Variants in VWC2L observed in about 807,000 individuals in gnomAD.
VWC2L encodes the protein von Willebrand factor C domain-containing protein 2-like.
Under a neutral mutation model 21.6 loss-of-function variants are expected in VWC2L, and 10 were observed. That is an observed-to-expected ratio of 0.46 (90% CI 0.29 to 0.78). The LOEUF is 0.78. VWC2L is among the 30% of genes least tolerant of loss of function. VWC2L has a pLI of 0.10. For missense variants in VWC2L, 209 were observed against 277.1 expected (o/e 0.75, Z 1.74); for synonymous variants, 96 against 94.3 (o/e 1.02, Z -0.10).
At chr2:214,470,943 A>AAAAAAAAAG (rs1703299114) in intron 3 of VWC2L, among the ~76,000 whole-genome samples, 1 of 138,768 alleles carries the variant, frequency 7.2e-6, no homozygotes. Context: ...AAAAAAAAAA[A>AAAAAAAAAG]GATAGGTGAT....
chr2:214,451,357 C>G (rs1702952838), intron 3 of VWC2L, among the ~76,000 whole-genome samples: 2 of 150,974 alleles, frequency 1.3e-5, no homozygotes, highest in South Asian at 4.2e-4. Context: ...CAATGACTAC[C>G]TGTGAGAATG....
chr2:214,482,512 T>C (rs58497707), intron 3 of VWC2L, among the ~76,000 whole-genome samples: 1 of 149,784 alleles, frequency 6.7e-6, no homozygotes, highest in Admixed American at 6.6e-5. Context: ...TATGTGTGTA[T>C]GTATATGTGT....
intron 3 of VWC2L, among the ~76,000 whole-genome samples, chr2:214,565,487 G>A (rs1690048837): frequency 6.6e-6 from 1 of 152,140 alleles, no homozygotes. Flanking sequence ...ACCTAATGAT[G>A]TGCTGTCTAT....
intron 3 of VWC2L, among the ~76,000 whole-genome samples, chr2:214,541,207 T>C (rs997572264): frequency 2.6e-5 from 4 of 152,208 alleles, no homozygotes; most frequent in African/African-American, 9.6e-5. Flanking sequence ...GTCAGGATCA[T>C]TGGGCTTTTT....
At chr2:214,443,589 T>G (rs932542097) in intron 3 of VWC2L, among the ~76,000 whole-genome samples, 4 of 152,154 alleles carry the variant, frequency 2.6e-5, no homozygotes, top group Non-Finnish European at 5.9e-5. Flanking sequence ...AAGAGCATGT[T>G]ATTTCTATAA....
intron 3 of VWC2L, among the ~76,000 whole-genome samples, chr2:214,499,293 C>G (rs1332710490): frequency 6.6e-6 from 1 of 152,070 alleles, no homozygotes; most frequent in African/African-American, 2.4e-5. Flanking sequence ...GCTGGGATTA[C>G]AGGCATGAGC....
At chr2:214,544,004 T>G (rs904621332) in intron 3 of VWC2L, among the ~76,000 whole-genome samples, 2 of 152,354 alleles carry the variant, frequency 1.3e-5, no homozygotes, top group Non-Finnish European at 2.9e-5. Flanking sequence ...ACGATTGTAC[T>G]TGGCTATTCT....
intron 3 of VWC2L, among the ~76,000 whole-genome samples, chr2:214,454,777 T>C (rs1205630392): frequency 6.6e-6 from 1 of 151,644 alleles, no homozygotes; most frequent in Non-Finnish European, 1.5e-5. Flanking sequence ...TAATTTTTTA[T>C]ATTTTTAGTA....
chr2:214,458,849 C>T (rs1490167591), intron 3 of VWC2L, among the ~76,000 whole-genome samples: 1 of 152,140 alleles, frequency 6.6e-6, no homozygotes, highest in Non-Finnish European at 1.5e-5. Context: ...TATGGTCTAT[C>T]CCAAAGAATG....
chr2:214,512,241 C>T (rs972468854), intron 3 of VWC2L, among the ~76,000 whole-genome samples: 2 of 152,174 alleles, frequency 1.3e-5, no homozygotes, highest in African/African-American at 2.4e-5. Flanking sequence ...TTGCCAAGTT[C>T]ACTGTACCTT....
intron 2 of VWC2L, among the ~76,000 whole-genome samples, chr2:214,417,029 CT>C (rs901735038): frequency 2.6e-5 from 4 of 152,072 alleles, no homozygotes; most frequent in African/African-American, 9.7e-5. Context: ...TTAAAATGCT[CT>C]ACTTATCCCT....
intron 3 of VWC2L, among the ~76,000 whole-genome samples, chr2:214,563,224 T>C (rs1302968446): frequency 6.6e-6 from 1 of 152,136 alleles, no homozygotes; most frequent in East Asian, 1.9e-4. Flanking sequence ...CCTTTCCCCA[T>C]TACTTGTTTT....
intron 2 of VWC2L, among the ~76,000 whole-genome samples, chr2:214,430,286 T>G (rs891839312): frequency 1.2e-4 from 18 of 152,222 alleles, no homozygotes; most frequent in Admixed American, 9.2e-4. Context: ...ATATTTTACT[T>G]TAGCTCAGAG....
chr2:214,483,282 T>C (rs765361608), intron 3 of VWC2L, among the ~76,000 whole-genome samples: 1 of 152,088 alleles, frequency 6.6e-6, no homozygotes, highest in African/African-American at 2.4e-5. Flanking sequence ...GGCAAATAGA[T>C]GGAGAGCAGG....
chr2:214,570,262 T>C (rs1690131098), intron 3 of VWC2L, among the ~76,000 whole-genome samples: 1 of 152,214 alleles, frequency 6.6e-6, no homozygotes, highest in Non-Finnish European at 1.5e-5. Context: ...TGTTCTTCCT[T>C]GTAAGATTTC....
chr2:214,427,973 T>A (rs1006577798), intron 2 of VWC2L, among the ~76,000 whole-genome samples: 4 of 152,190 alleles, frequency 2.6e-5, no homozygotes, highest in East Asian at 1.9e-4. Context: ...CCCACGGATA[T>A]GAAGGGCTGA....
intron 3 of VWC2L, among the ~76,000 whole-genome samples, chr2:214,469,865 T>A (rs530395900): frequency 8.3e-4 from 127 of 152,314 alleles, no homozygotes; most frequent in African/African-American, 2.9e-3. Flanking sequence ...GAATGAATAC[T>A]CGTGATATGA....
chr2:214,483,345 AT>A (rs376931341), intron 3 of VWC2L, among the ~76,000 whole-genome samples: 20 of 151,220 alleles, frequency 1.3e-4, no homozygotes, highest in African/African-American at 3.4e-4. Context: ...TGGCTTAACT[AT>A]TTTTTTTTCT....
At chr2:214,507,606 T>C (rs1259722880) in intron 3 of VWC2L, among the ~76,000 whole-genome samples, 1 of 152,178 alleles carries the variant, frequency 6.6e-6, no homozygotes. Context: ...TGGACCAAAG[T>C]CCAGAGTTTG....
Sources: gnomAD v4.1 joint callset for allele counts (sites outside exome capture counted in the v4.1 genomes callset) on GRCh38, gnomAD v4.1.1 for gene constraint, MANE v1.5 for transcripts, NCBI Gene and HGNC (gene_info 2026-07-23, HGNC 2026-07-21) for gene names.